Variants in PACS2 observed in about 807,000 individuals in gnomAD.
PACS2 encodes phosphofurin acidic cluster sorting protein 2.
PACS2 carries 36 observed loss-of-function variants against 113.0 expected under a neutral mutation model. That is an observed-to-expected ratio of 0.32 (90% CI 0.24 to 0.42). The LOEUF is 0.42. Ranked by LOEUF, PACS2 falls within the 10% of genes least tolerant of loss-of-function variation. The pLI is 1.00. For synonymous variants in PACS2, 589 were observed against 536.1 expected, an observed-to-expected ratio of 1.10 and a Z score of -1.36; for missense variants, 1,015 against 1,239.5, an observed-to-expected ratio of 0.82 and a Z score of 2.72.
chr14:105,342,380 A>G (rs1485110706), intron 1 of PACS2, among the ~76,000 whole-genome samples: 1 of 151,586 alleles, frequency 6.6e-6, no homozygotes, highest in Non-Finnish European at 1.5e-5. Context: ...TGATCCTCCC[A>G]CCTCAGCCTC....
At chr14:105,318,232 C>G (rs1029630742) in intron 1 of PACS2, among the ~76,000 whole-genome samples, 4 of 152,198 alleles carry the variant, frequency 2.6e-5, no homozygotes, top group African/African-American at 9.7e-5. Flanking sequence ...ATCCTCTCAC[C>G]TCGGCCTCCC....
At chr14:105,359,009 A>G (rs1160237561) in intron 4 of PACS2, among the ~76,000 whole-genome samples, 1 of 152,148 alleles carries the variant, frequency 6.6e-6, no homozygotes, top group Admixed American at 6.5e-5. Context: ...CCATCGTAAC[A>G]CCATAGCACA....
At position 105,330,808 on chromosome 14, in the gene PACS2, CCTG is replaced by C. The variant is rs1414203190; in HGVS notation, c.119+15774_119+15776del. Among the ~76,000 whole-genome samples, 4 of 152,256 alleles carry C rather than the reference CCTG, an allele frequency of 2.6e-5. No individual in the cohort carries two copies. The highest frequency in any genetic ancestry group is 9.6e-5 in the African/African-American group (4 of 41,470). ...TTCTGTCCTCGCCTTTACCTCAAATCCTGCTTTTTGCCTTAAGTGCGTTCCCAA... is the reference window on the plus strand; with the variant it reads ...TTCTGTCCTCGCCTTTACCTCAAATCCTTTTTGCCTTAAGTGCGTTCCCAA... On this transcript the variant is annotated intron_variant, in intron 1 of 24. Transcript: ENST00000447393. This position sits in a 1 kb window ranked among gnomAD's most constrained non-coding sequence, Gnocchi z 6.9.
chr14:105,305,638 C>T (rs945233121), intron 1 of PACS2, among the ~76,000 whole-genome samples: 5 of 152,166 alleles, frequency 3.3e-5, no homozygotes, highest in African/African-American at 4.8e-5. Flanking sequence ...ACGCTCCCCA[C>T]GTGATGTGAA....
chr14:105,352,016 G>C (rs772632938), intron 2 of PACS2, among the ~76,000 whole-genome samples: 31 of 152,302 alleles, frequency 2.0e-4, no homozygotes, highest in South Asian at 2.1e-4. Context: ...GAAGAGGCTT[G>C]GTGCCTCCAG....
chr14:105,306,157 G>A (rs2058180531), intron 1 of PACS2, among the ~76,000 whole-genome samples: 1 of 152,178 alleles, frequency 6.6e-6, no homozygotes, highest in African/African-American at 2.4e-5. Context: ...GACCAGGAAG[G>A]ATTTCCTTTT....
intron 3 of PACS2, among the ~76,000 whole-genome samples, chr14:105,353,880 C>T (rs2060328906): frequency 6.6e-6 from 1 of 152,116 alleles, no homozygotes; most frequent in Admixed American, 6.5e-5. Context: ...GCGTGGGACA[C>T]CATGCCCAGC....
At chr14:105,346,486 TC>T (rs2059924717) in intron 1 of PACS2, among the ~76,000 whole-genome samples, 1 of 28,874 alleles carries the variant, frequency 3.5e-5, no homozygotes, top group Non-Finnish European at 7.2e-5. Flanking sequence ...CCACACAACA[TC>T]CCCCCCACCG....
intron 1 of PACS2, among the ~76,000 whole-genome samples, chr14:105,332,483 A>C (rs2059341637): frequency 6.6e-6 from 1 of 152,134 alleles, no homozygotes. Context: ...GCCACACAGG[A>C]AGCAGTTGGG....
chr14:105,355,323 C>T lies in PACS2; in HGVS notation c.423+146C>T. ...TGAGAGGAGCCTGGGCGGCCGGGCT[C>T]CGCCATAAGGGCCAGGTGCGGCCCC... is the stretch of plus-strand genomic sequence containing the variant. On this transcript the variant is annotated intron_variant, in intron 4 of 24. Coordinates refer to ENST00000447393, the MANE Select transcript of PACS2 (RefSeq NM_001100913.3). The surrounding 1 kb of genome is among the most constrained non-coding windows in gnomAD (Gnocchi z 4.1). 2.0e-6 allele frequency: 2 copies of T among 1,010,806 alleles called. No individual in the cohort carries two copies. Among genetic ancestry groups the T allele is most frequent in the Non-Finnish European group, 2.8e-6 (2 of 713,924 alleles). 62.6% of individuals were successfully genotyped at this position (1,010,806 alleles called of 1,614,324 possible).
chr14:105,316,565 G>A (rs929247557), intron 1 of PACS2, among the ~76,000 whole-genome samples: 8 of 152,174 alleles, frequency 5.3e-5, no homozygotes, highest in Non-Finnish European at 1.0e-4. Flanking sequence ...GGGGCCCTCC[G>A]AATGAGCAGC....
rs1202361601 is a variant in PACS2, at chr14:105,330,117, C to T, written c.119+15080C>T. ...GGGAGCCTCCGAGAAGCCTGGGGTC[C>T]GTGTGTGGGAAGGAACGGGGACAGG... On this transcript the variant is annotated intron_variant, in intron 1 of 24. Coordinates refer to ENST00000447393, the MANE Select transcript of PACS2 (RefSeq NM_001100913.3). The surrounding 1 kb of genome is among the most constrained non-coding windows in gnomAD (Gnocchi z 6.9). 1.4e-5 allele frequency among the ~76,000 whole-genome samples: 2 copies of T among 145,518 alleles called. No homozygotes were observed. Among genetic ancestry groups the T allele is most frequent in the Non-Finnish European group, 3.0e-5 (2 of 66,300 alleles).
At position 105,330,914 on chromosome 14, in the gene PACS2, G is replaced by C. The variant is rs1304263985; in HGVS notation, c.119+15877G>C. Among the ~76,000 whole-genome samples the C allele has an allele frequency of 6.6e-6, 1 of 152,092 alleles. No individual in the cohort carries two copies. The highest frequency in any genetic ancestry group is 1.5e-5 in the Non-Finnish European group (1 of 68,018). On this transcript the variant is annotated intron_variant, in intron 1 of 24. Coordinates refer to ENST00000447393, the MANE Select transcript of PACS2 (RefSeq NM_001100913.3). This position sits in a 1 kb window ranked among gnomAD's most constrained non-coding sequence, Gnocchi z 6.9. ...GATGTCAACCTTCTGGGTCCTTGGG[G>C]CCTAGCCTTGCTCTGGTGAACGGCT...
At chr14:105,351,090 C>T (rs587738474) in intron 2 of PACS2, among the ~76,000 whole-genome samples, 4 of 152,338 alleles carry the variant, frequency 2.6e-5, no homozygotes, top group East Asian at 1.9e-4. Flanking sequence ...CCTGGACCCC[C>T]GCCCGCCCTC....
At chr14:105,327,896 G>A (rs970342767) in intron 1 of PACS2, among the ~76,000 whole-genome samples, 3 of 150,824 alleles carry the variant, frequency 2.0e-5, no homozygotes, top group African/African-American at 2.5e-5. Flanking sequence ...TTGGCTCACC[G>A]GCCCAGGCCA....
intron 24 of PACS2, chr14:105,393,594 T>G (rs1402614226): frequency 1.4e-5 from 3 of 215,794 alleles, no homozygotes; most frequent in East Asian, 1.0e-4. Context: ...TTTGTTTTGG[T>G]TTTTTTTTTT....
rs953856270 is a variant in PACS2 at position 105,324,423 on chromosome 14, G to A, written c.119+9386G>A. On this transcript the variant is annotated intron_variant, in intron 1 of 24. Coordinates refer to ENST00000447393, the MANE Select transcript of PACS2 (RefSeq NM_001100913.3). The surrounding 1 kb of genome is among the most constrained non-coding windows in gnomAD (Gnocchi z 4.7). ...GTGGCGTGCTTATTCCTGCCTGGCC[G>A]TGGAGGGTCTCTGTAGGACAGGCTC... Among the ~76,000 whole-genome samples the A allele has an allele frequency of 1.3e-5, 2 of 152,164 alleles. No homozygotes were observed. Among genetic ancestry groups the A allele is most frequent in the South Asian group, 2.1e-4 (1 of 4,830 alleles).
intron 8 of PACS2, 179 bp downstream of exon 8, chr14:105,370,079 C>T (rs1033316432): frequency 2.9e-5 from 17 of 583,092 alleles, no homozygotes; most frequent in Non-Finnish European, 4.8e-5. Context: ...TCCCGGGCTC[C>T]AGGTCACCCG....
At chr14:105,363,114 T>C (rs1437218567) in intron 4 of PACS2, among the ~76,000 whole-genome samples, 3 of 152,200 alleles carry the variant, frequency 2.0e-5, no homozygotes, top group Non-Finnish European at 4.4e-5. Flanking sequence ...TTGTTCCATT[T>C]TCAGAACACA....
Sources: allele counts gnomAD v4.1 joint callset (sites outside exome capture counted in the v4.1 genomes callset), GRCh38; gene constraint gnomAD v4.1.1; non-coding constraint Gnocchi (gnomAD v3.1); transcripts MANE v1.5; gene names NCBI Gene and HGNC (gene_info 2026-07-23, HGNC 2026-07-21).